Variants in OTUD4 observed in about 807,000 individuals in gnomAD.
The protein encoded by OTUD4 is OTU domain-containing protein 4.
OTUD4 carries 24 observed loss-of-function variants against 130.4 expected under a neutral mutation model. The observed-to-expected ratio is 0.18, with a 90% confidence interval of 0.13 to 0.26. The LOEUF is 0.26. OTUD4 is among the 10% of genes least tolerant of loss of function. The pLI, the probability that OTUD4 is intolerant of heterozygous loss-of-function variation, is 1.00. For synonymous variants in OTUD4, 420 were observed against 472.5 expected, an observed-to-expected ratio of 0.89 and a Z score of 1.44; for missense variants, 1,031 against 1,329.4, an observed-to-expected ratio of 0.78 and a Z score of 3.49.
At chr4:145,150,971 T>C in intron 11 of OTUD4, 66 bp from the exon 12 acceptor site, 2 of 927,206 alleles carry the variant, frequency 2.2e-6, no homozygotes, top group Admixed American at 2.9e-5. Flanking sequence ...ATATTCTGCA[T>C]ATTTATTTTC....
chr4:145,178,383 C>T (rs1752528396), intron 1 of OTUD4: 1 of 152,244 alleles, frequency 6.6e-6, no homozygotes, highest in African/African-American at 2.4e-5. Context: ...CTTGCTAGGT[C>T]TAACAGTACG....
intron 20 of OTUD4, among the ~76,000 whole-genome samples, chr4:145,139,049 G>C (rs146187794): frequency 6.6e-6 from 1 of 152,228 alleles, no homozygotes; most frequent in African/African-American, 2.4e-5. Flanking sequence ...TCCAATGTCA[G>C]GACTCTGCAA....
In OTUD4 at chr4:145,142,274, G is replaced by T. The variant is rs1166429884; in HGVS notation, c.1744C>A (p.His582Asn). 6.2e-7 allele frequency: 1 copy of T among 1,613,814 alleles called. No individual in the cohort carries two copies. Among genetic ancestry groups the T allele is most frequent in the Non-Finnish European group, 8.5e-7 (1 of 1,179,656 alleles). Residue 582 changes from histidine (H) to asparagine (N), a missense_variant, in exon 18 of 21, where the codon CAT (histidine) becomes AAT (asparagine). This residue lies in a region of OTUD4 where 900 missense variants were observed against 1,095.9 expected (regional missense o/e 0.82). Transcript: ENST00000447906. Reference protein sequence around the residue: ...PAPLLVSPEVHLTPAVPSLPA... With the variant: ...PAPLLVSPEVNLTPAVPSLPA... ...AAAGAAGGCACCGCAGGAGTTAGAT[G>T]TACCTCTGGAGAAACTAGAAGGGGA...
chr4:145,157,785 T>G (rs1300796297), intron 7 of OTUD4, among the ~76,000 whole-genome samples: 1 of 145,448 alleles, frequency 6.9e-6, no homozygotes, highest in Non-Finnish European at 1.5e-5. Flanking sequence ...AAAAACACAA[T>G]AGTGAACACA....
intron 10 of OTUD4, among the ~76,000 whole-genome samples, chr4:145,154,123 G>A (rs1430935654): frequency 6.6e-6 from 1 of 152,222 alleles, no homozygotes; most frequent in East Asian, 1.9e-4. Flanking sequence ...CGACTTTAGT[G>A]ATACAGCATA....
At chr4:145,172,681 T>C (rs140412157) in intron 2 of OTUD4, among the ~76,000 whole-genome samples, 9 of 152,296 alleles carry the variant, frequency 5.9e-5, no homozygotes, top group East Asian at 1.9e-4. Flanking sequence ...TTAAGCACCC[T>C]TGGATTTTAA....
rs1269288550 is a variant in OTUD4, at chr4:145,152,598, T to C, written c.911A>G (p.Asp304Gly). 6.2e-7 allele frequency: 1 copy of C among 1,612,286 alleles called. No individual in the cohort carries two copies. Among genetic ancestry groups the C allele is most frequent in the Non-Finnish European group, 8.5e-7 (1 of 1,178,628 alleles). The change falls in exon 11 of 21, where the codon GAT becomes GGT. Residue 304 changes from aspartate to glycine, a missense_variant. Transcript: ENST00000447906. ...ATTCTCAGAATGAATTCCTTGAACA[T>C]CTGCATTCAAAAATTTTCCATTGTG... ...LDHNGKFLNA[D>G]VQGIHSENGP...
chr4:145,156,765 A>G (rs1322038191), intron 7 of OTUD4, among the ~76,000 whole-genome samples: 1 of 152,152 alleles, frequency 6.6e-6, no homozygotes, highest in Admixed American at 6.6e-5. Flanking sequence ...TCACTGTCAC[A>G]TACACACCTA....
rs879131764 is a variant in OTUD4 at position 145,139,801 on chromosome 4, AACG to A, written c.2124+147_2124+149del. 8.0e-5 allele frequency: 28 copies of A among 349,200 alleles called. No individual in the cohort carries two copies. The South Asian group carries it at 9.6e-4, about 12-fold the overall frequency. The allele number at this position is 349,200 out of a possible 1,614,324, so 21.6% of individuals were successfully genotyped here. On this transcript the variant is annotated intron_variant, in intron 20 of 20. Transcript: ENST00000447906. ...GGAGCCTCTACTAGCACCAAAAACA[AACG>A]ATATAGTACTGAAAATGCTGGTTTT... is the stretch of plus-strand genomic sequence containing the variant.
chr4:145,146,046 T>C (rs1322941863), intron 14 of OTUD4: 1 of 333,380 alleles, frequency 3.0e-6, no homozygotes, highest in African/African-American at 2.1e-5. Context: ...ACCAGTTTAC[T>C]TGCCTCAACT....
chr4:145,160,830 G>A (rs549489658), intron 6 of OTUD4, among the ~76,000 whole-genome samples: 21 of 151,442 alleles, frequency 1.4e-4, no homozygotes, highest in African/African-American at 4.1e-4. Flanking sequence ...AGCAAAGGCC[G>A]GACAGGATAG....
At chr4:145,176,057 G>A (rs1455937755) in intron 1 of OTUD4, among the ~76,000 whole-genome samples, 5 of 144,988 alleles carry the variant, frequency 3.4e-5, no homozygotes, top group Admixed American at 1.4e-4. Flanking sequence ...TTTTTTTTCC[G>A]GCTCATTTTT....
At chr4:145,166,097 G>T (rs1333852745) in intron 3 of OTUD4, among the ~76,000 whole-genome samples, 1 of 151,580 alleles carries the variant, frequency 6.6e-6, no homozygotes, top group African/African-American at 2.4e-5. Flanking sequence ...GGAAGCAGAG[G>T]TTGCAGTGAG....
At chr4:145,145,714 T>C (rs1330106218) in intron 14 of OTUD4, among the ~76,000 whole-genome samples, 2 of 152,152 alleles carry the variant, frequency 1.3e-5, no homozygotes, top group Non-Finnish European at 2.9e-5. Flanking sequence ...CATACTTCAT[T>C]CTACATGAGA....
intron 3 of OTUD4, among the ~76,000 whole-genome samples, 180 bp downstream of exon 3, chr4:145,171,490 T>C (rs1482578968): frequency 6.6e-6 from 1 of 152,200 alleles, no homozygotes; most frequent in East Asian, 1.9e-4. Context: ...AGGCAACCTC[T>C]AACATATAGC....
chr4:145,144,065 C>T, intron 15 of OTUD4, 64 bp from the exon 16 acceptor site: 6 of 1,337,936 alleles, frequency 4.5e-6, no homozygotes, highest in Non-Finnish European at 6.4e-6. Flanking sequence ...CACAGAAGAA[C>T]AAAATACGAA....
intron 11 of OTUD4, 26 bp from the exon 12 acceptor site, chr4:145,150,931 A>G (rs1485531818): frequency 2.1e-6 from 3 of 1,395,538 alleles, no homozygotes; most frequent in Non-Finnish European, 2.0e-6. Context: ...GACTTGTGAT[A>G]GCTTAAAATA....
rs749713792 is a variant in OTUD4 at position 145,152,532 on chromosome 4, AG to A, written c.968+8del. 6.8e-7 allele frequency: 1 copy of A among 1,465,322 alleles called. No individual in the cohort carries two copies. The highest frequency in any genetic ancestry group is 9.5e-7 in the Non-Finnish European group (1 of 1,047,740). The allele number at this position is 1,465,322 out of a possible 1,614,324, so 90.8% of individuals were successfully genotyped here. A position where few individuals can be genotyped will look rare whatever the true frequency, so the allele number is the denominator to read the frequency against. ...GCAGTAAATGCCTTAGCTGAAGAGT[AG>A]TACATACTTCTTTCCCAGTTCTTCA... On this transcript the variant is annotated splice_region_variant and intron_variant, in intron 11 of 20. Transcript: ENST00000447906.
At chr4:145,178,815 GC>G (rs1752549369) in intron 1 of OTUD4, among the ~76,000 whole-genome samples, 1 of 152,118 alleles carries the variant, frequency 6.6e-6, no homozygotes, top group Admixed American at 6.6e-5. Context: ...AAGTTATTTA[GC>G]ATTCAAAAAA....
Sources: allele counts gnomAD v4.1 joint callset (sites outside exome capture counted in the v4.1 genomes callset), GRCh38; gene constraint gnomAD v4.1.1; regional missense constraint gnomAD v4.1.1; transcripts MANE v1.5; gene names NCBI Gene and HGNC (gene_info 2026-07-23, HGNC 2026-07-21).